Variants in KCNK10 observed in about 807,000 individuals in gnomAD.
The protein encoded by KCNK10 is potassium two pore domain channel subfamily K member 10, also known as potassium channel subfamily K member 10.
Under a neutral mutation model 47.7 loss-of-function variants are expected in KCNK10, and 25 were observed. The ratio of observed to expected loss-of-function variants is 0.52; its 90% confidence interval spans 0.38 to 0.73. The LOEUF (loss-of-function observed/expected upper bound fraction) is 0.73. Ranked by LOEUF, KCNK10 falls within the 30% of genes least tolerant of loss-of-function variation. KCNK10 has a pLI of 0.00. For synonymous variants in KCNK10, 303 were observed against 285.6 expected (o/e 1.06, Z -0.61); for missense variants, 563 against 714.5 (o/e 0.79, Z 2.42).
intron 1 of KCNK10, among the ~76,000 whole-genome samples, chr14:88,317,166 G>GCA (rs1489529920): frequency 6.6e-6 from 1 of 152,062 alleles, no homozygotes; most frequent in Admixed American, 6.6e-5. Context: ...GGTGATTTTG[G>GCA]CACATTTTAA....
intron 1 of KCNK10, among the ~76,000 whole-genome samples, chr14:88,283,466 C>T (rs1008529745): frequency 6.6e-6 from 1 of 152,040 alleles, no homozygotes; most frequent in African/African-American, 2.4e-5. Context: ...ATAATGATAC[C>T]GATACAGCTT....
chr14:88,287,676 TGTGTGTGTGTGTGTGTGTGTGTG>T (rs1887792067), intron 1 of KCNK10, among the ~76,000 whole-genome samples: 1 of 2,200 alleles, frequency 4.5e-4, no homozygotes, highest in Admixed American at 7.9e-3. Flanking sequence ...TATTCCATGG[TGTGTGTGTGTGTGTGTGTGTGTG>T]TGTGTGTGTG....
At chr14:88,324,292 GA>G (rs978650067), upstream of KCNK10, among the ~76,000 whole-genome samples, 11 of 152,230 alleles carry the variant, frequency 7.2e-5, no homozygotes, top group African/African-American at 2.7e-4. Flanking sequence ...TCAGTCTTCA[GA>G]AAAGCCAGGT....
chr14:88,194,405 A>C (rs1221102048), intron 4 of KCNK10, among the ~76,000 whole-genome samples: 2 of 152,262 alleles, frequency 1.3e-5, no homozygotes, highest in Non-Finnish European at 1.5e-5. Flanking sequence ...GCCATAGATC[A>C]TTAAGTCAAT....
At chr14:88,229,608 A>G (rs771750425) in intron 3 of KCNK10, among the ~76,000 whole-genome samples, 7 of 152,230 alleles carry the variant, frequency 4.6e-5, no homozygotes, top group Non-Finnish European at 5.9e-5. Context: ...ACAAGCCTTT[A>G]AATATATTCA....
At position 88,185,853 on chromosome 14, in the gene KCNK10, C is replaced by G; in HGVS notation, c.1314G>C (p.Lys438Asn). 2 of 1,614,168 alleles carry G rather than the reference C, an allele frequency of 1.2e-6. No individual in the cohort carries two copies. The highest frequency in any genetic ancestry group is 1.7e-6 in the Non-Finnish European group (2 of 1,180,034). Residue 438 changes from lysine (K) to asparagine (N), a missense_variant, in exon 7 of 7, where the codon AAG becomes AAC. Lys to Asn is a moderately conservative substitution (Grantham distance 94). Coordinates refer to ENST00000319231, the MANE Select transcript of KCNK10 (RefSeq NM_138317.3). The surrounding 1 kb of genome is among the most constrained non-coding windows in gnomAD (Gnocchi z 4.3). ...TGTCCTCGGACGCACCCTGCCCATG[C>G]TTGTTCAGCTGCTCCGGCCCCTTCA... ...LRLKGPEQLN[K>N]HGQGASEDNI...
In KCNK10 at chr14:88,180,757, A is replaced by C; in HGVS notation, c.*4778T>G. ...GGCAGGCATGAGAGAACTGAGGTTT[A>C]CATGGAGTATGGATGGGTTGGTGAA... On this transcript the variant is annotated 3_prime_UTR_variant, in exon 7 of 7. Coordinates refer to ENST00000319231, the MANE Select transcript of KCNK10 (RefSeq NM_138317.3). The C allele has an allele frequency of 2.5e-6, 1 of 398,762 alleles. No homozygotes were observed. The highest frequency in any genetic ancestry group is 4.4e-6 in the Non-Finnish European group (1 of 226,044). 24.7% of individuals were successfully genotyped at this position (398,762 alleles called of 1,614,324 possible).
At chr14:88,303,158 G>A (rs140484475) in intron 1 of KCNK10, among the ~76,000 whole-genome samples, 2 of 152,318 alleles carry the variant, frequency 1.3e-5, no homozygotes, top group East Asian at 3.9e-4. Context: ...ATGTGATCAA[G>A]AGAGGCAGGG....
intron 1 of KCNK10, among the ~76,000 whole-genome samples, chr14:88,279,772 A>C (rs1887607289): frequency 6.6e-6 from 1 of 152,100 alleles, no homozygotes; most frequent in Admixed American, 6.5e-5. Flanking sequence ...CCCAAGTCTC[A>C]ACTTGAACTG....
chr14:88,296,804 A>G (rs1887994237), intron 1 of KCNK10, among the ~76,000 whole-genome samples: 1 of 152,242 alleles, frequency 6.6e-6, no homozygotes, highest in African/African-American at 2.4e-5. Context: ...CTAGAGGCTT[A>G]ACATTAGTAG....
intron 1 of KCNK10, 101 bp from the exon 2 acceptor site, chr14:88,263,652 T>C (rs1460142854): frequency 9.2e-7 from 1 of 1,084,476 alleles, no homozygotes; most frequent in Middle Eastern, 3.1e-4. Flanking sequence ...TGAGCCAGCT[T>C]TCAAATGTGA....
chr14:88,255,114 G>GCT (rs1886910765), intron 2 of KCNK10, among the ~76,000 whole-genome samples: 1 of 152,164 alleles, frequency 6.6e-6, no homozygotes, highest in South Asian at 2.1e-4. Flanking sequence ...CACGTGGAGT[G>GCT]CTATAGCACC....
chr14:88,199,975 TTC>T (rs1885047758), intron 4 of KCNK10, among the ~76,000 whole-genome samples: 1 of 147,960 alleles, frequency 6.8e-6, no homozygotes, highest in African/African-American at 2.4e-5. Context: ...TTCTTTCTCT[TTC>T]TTTCTTTCTT....
At chr14:88,282,890 A>G (rs1887681044) in intron 1 of KCNK10, among the ~76,000 whole-genome samples, 1 of 152,244 alleles carries the variant, frequency 6.6e-6, no homozygotes, top group South Asian at 2.1e-4. Flanking sequence ...CCGCATAGAC[A>G]ATTCCAGAAG....
chr14:88,290,670 A>G (rs1357750484), intron 1 of KCNK10, among the ~76,000 whole-genome samples: 1 of 152,232 alleles, frequency 6.6e-6, no homozygotes, highest in Admixed American at 6.5e-5. Context: ...AGATGGAACG[A>G]GACTGACGTT....
At chr14:88,281,350 A>G (rs375137833) in intron 1 of KCNK10, among the ~76,000 whole-genome samples, 8 of 152,314 alleles carry the variant, frequency 5.3e-5, no homozygotes, top group African/African-American at 1.9e-4. Context: ...TATTTGGTCA[A>G]ACATTATTCT....
At chr14:88,325,424 A>T (rs1888639800), upstream of KCNK10, among the ~76,000 whole-genome samples, 1 of 152,176 alleles carries the variant, frequency 6.6e-6, no homozygotes, top group East Asian at 1.9e-4. Context: ...CTCTCCATTC[A>T]TCTTTGTTAG....
chr14:88,190,384 AT>A (rs1884705355), intron 5 of KCNK10, among the ~76,000 whole-genome samples: 2 of 152,182 alleles, frequency 1.3e-5, no homozygotes, highest in Non-Finnish European at 2.9e-5. Context: ...TTTGCCTTAG[AT>A]TGGAAACACC....
At chr14:88,297,506 G>T (rs1246769824) in intron 1 of KCNK10, among the ~76,000 whole-genome samples, 1 of 152,172 alleles carries the variant, frequency 6.6e-6, no homozygotes, top group Non-Finnish European at 1.5e-5. Flanking sequence ...GTTCCTATTA[G>T]CTAGGAGACA....
Sources: allele counts gnomAD v4.1 joint callset (sites outside exome capture counted in the v4.1 genomes callset), GRCh38; gene constraint gnomAD v4.1.1; non-coding constraint Gnocchi (gnomAD v3.1); transcripts MANE v1.5; gene names NCBI Gene and HGNC (gene_info 2026-07-23, HGNC 2026-07-21).